The following CCDC102B variants were observed in gnomAD, a reference collection of about 807,000 sequenced individuals.
The protein encoded by CCDC102B is coiled-coil domain-containing protein 102B.
A neutral mutation model predicts 57.4 loss-of-function variants in CCDC102B; 75 were observed. The ratio of observed to expected loss-of-function variants is 1.31; its 90% confidence interval spans 1.08 to 1.58. The LOEUF is 1.58. Ranked by LOEUF, CCDC102B falls within the 40% of genes most tolerant of loss-of-function variation. CCDC102B has a pLI of 0.00. For synonymous variants in CCDC102B, 206 were observed against 201.9 expected (o/e 1.02, Z -0.17); for missense variants, 636 against 582.6 (o/e 1.09, Z -0.94).
chr18:68,979,367 C>T (rs1003669843), intron 6 of CCDC102B, among the ~76,000 whole-genome samples: 3 of 151,776 alleles, frequency 2.0e-5, no homozygotes. Context: ...TGGAAAAATA[C>T]AAACTCCAGG....
At chr18:68,776,264 G>C (rs1340475779) in intron 2 of CCDC102B, among the ~76,000 whole-genome samples, 1 of 151,982 alleles carries the variant, frequency 6.6e-6, no homozygotes, top group Non-Finnish European at 1.5e-5. Context: ...CAATCATTTA[G>C]TTTTTATATT....
At chr18:68,930,906 G>C (rs1440960174) in intron 6 of CCDC102B, among the ~76,000 whole-genome samples, 1 of 151,696 alleles carries the variant, frequency 6.6e-6, no homozygotes, top group Non-Finnish European at 1.5e-5. Context: ...GCAGTTACAC[G>C]AACACATACA....
chr18:68,897,517 A>G, intron 6 of CCDC102B, 89 bp downstream of exon 6: 1 of 1,546,842 alleles, frequency 6.5e-7, no homozygotes, highest in Non-Finnish European at 8.9e-7. Flanking sequence ...ACGCCTCCAC[A>G]TTTGGATATT....
chr18:68,857,232 A>ATATAT (rs1268913311), intron 4 of CCDC102B, among the ~76,000 whole-genome samples: 7,066 of 71,650 alleles, frequency 0.099, 1,879 homozygotes, highest in Non-Finnish European at 0.14. Context: ...ATATATTTTT[A>ATATAT]TATATAAATA....
chr18:68,977,448 A>T (rs1034575754), intron 6 of CCDC102B, among the ~76,000 whole-genome samples: 2 of 151,666 alleles, frequency 1.3e-5, no homozygotes, highest in African/African-American at 2.4e-5. Flanking sequence ...CCAGTGTGTG[A>T]CGTTCCCCTC....
At chr18:68,813,526 T>G (rs946762906) in intron 1 of CCDC102B, among the ~76,000 whole-genome samples, 3 of 151,644 alleles carry the variant, frequency 2.0e-5, no homozygotes, top group African/African-American at 7.3e-5. Flanking sequence ...AGGAGGCCAC[T>G]TGTTCCTTCA....
chr18:68,722,503 G>T (rs2032389543), intron 2 of CCDC102B, among the ~76,000 whole-genome samples: 1 of 152,192 alleles, frequency 6.6e-6, no homozygotes, highest in Non-Finnish European at 1.5e-5. Context: ...GAAAGAGACA[G>T]CTTTGGATTT....
At chr18:68,778,811 GA>G (rs1203200634) in intron 2 of CCDC102B, among the ~76,000 whole-genome samples, 1 of 146,238 alleles carries the variant, frequency 6.8e-6, no homozygotes, top group Non-Finnish European at 1.5e-5. Context: ...GAACCATGAA[GA>G]AATAGTGATG....
intron 6 of CCDC102B, among the ~76,000 whole-genome samples, chr18:68,927,829 A>G (rs1243406754): frequency 6.6e-6 from 1 of 151,868 alleles, no homozygotes; most frequent in African/African-American, 2.4e-5. Context: ...GTAACTAGGT[A>G]TAAGTGGTGC....
At chr18:69,026,831 A>G (rs1422903082) in intron 7 of CCDC102B, among the ~76,000 whole-genome samples, 1 of 152,152 alleles carries the variant, frequency 6.6e-6, no homozygotes, top group Non-Finnish European at 1.5e-5. Context: ...TATAGTCCCA[A>G]TTTTCCAAGA....
At chr18:68,718,039 A>G (rs1183246754) in intron 2 of CCDC102B, 1 of 152,180 alleles carries the variant, frequency 6.6e-6, no homozygotes, top group Non-Finnish European at 1.5e-5. Flanking sequence ...ACCATCCTGG[A>G]AGCAGAGAGC....
chr18:69,003,514 C>A (rs887693806), intron 6 of CCDC102B, among the ~76,000 whole-genome samples: 3 of 152,120 alleles, frequency 2.0e-5, no homozygotes, highest in Admixed American at 1.3e-4. Context: ...GCACATATGA[C>A]CTAAGGATGA....
At chr18:68,958,685 T>G (rs2049969784) in intron 6 of CCDC102B, among the ~76,000 whole-genome samples, 1 of 152,160 alleles carries the variant, frequency 6.6e-6, no homozygotes, top group African/African-American at 2.4e-5. Flanking sequence ...CTTTATTCTT[T>G]TTCTTTTTTC....
chr18:68,940,279 TATA>T (rs762132607), intron 6 of CCDC102B, among the ~76,000 whole-genome samples: 2 of 151,884 alleles, frequency 1.3e-5, no homozygotes, highest in South Asian at 2.1e-4. Context: ...ATTAGGCAAT[TATA>T]ATAATATGTA....
intron 2 of CCDC102B, among the ~76,000 whole-genome samples, chr18:68,774,063 A>C (rs2034730640): frequency 2.0e-5 from 3 of 152,026 alleles, no homozygotes; most frequent in African/African-American, 7.2e-5. Context: ...CAAATTAAAA[A>C]TTAGGCAGGT....
chr18:68,779,072 CA>C (rs1215075053), intron 2 of CCDC102B, among the ~76,000 whole-genome samples: 1 of 152,076 alleles, frequency 6.6e-6, no homozygotes, highest in Non-Finnish European at 1.5e-5. Context: ...GAGAACTGGA[CA>C]GCCATCCTTT....
chr18:68,770,919 C>T lies in CCDC102B; in HGVS notation c.-66-52447C>T, dbSNP rs116662475. ...TACTCAGCATGGTGTTTTAAACCAT[C>T]AAAGGAAGAATATTTAATATGGTAA... On this transcript the variant is annotated intron_variant, in intron 2 of 3. Coordinates refer to the CCDC102B transcript ENST00000578970. Among the ~76,000 whole-genome samples the T allele has an allele frequency of 3.1e-3, 476 of 152,286 alleles. 1 individual carries two copies. Among genetic ancestry groups the T allele is most frequent in the African/African-American group, 0.011 (439 of 41,548 alleles).
chr18:68,965,876 T>C (rs2050154644), intron 6 of CCDC102B, among the ~76,000 whole-genome samples: 1 of 152,102 alleles, frequency 6.6e-6, no homozygotes. Context: ...GGTGAAGGAA[T>C]ATACCACCTG....
intron 5 of CCDC102B, among the ~76,000 whole-genome samples, chr18:68,881,974 G>A (rs1647606249): frequency 6.6e-6 from 1 of 151,970 alleles, no homozygotes; most frequent in African/African-American, 2.4e-5. Flanking sequence ...TGTAAATCAA[G>A]CAAAAGGAGT....
Sources: gnomAD v4.1 joint callset for allele counts (sites outside exome capture counted in the v4.1 genomes callset) on GRCh38, gnomAD v4.1.1 for gene constraint, MANE v1.5 for transcripts, NCBI Gene and HGNC (gene_info 2026-07-23, HGNC 2026-07-21) for gene names.